Variants in EIF4G1 observed in about 807,000 individuals in gnomAD.
The protein encoded by EIF4G1 is eukaryotic translation initiation factor 4 gamma 1, also known as EIF4-gamma.
In EIF4G1, 4 loss-of-function variants were observed where a neutral mutation model predicts 187.8. The ratio of observed to expected loss-of-function variants is 0.02; its 90% CI spans 0.01 to 0.05. The LOEUF is 0.05. Ranked by LOEUF, EIF4G1 falls within the 10% of genes least tolerant of loss-of-function variation. EIF4G1 has a pLI of 1.00. For synonymous variants in EIF4G1, 844 were observed against 781.4 expected, an observed-to-expected ratio of 1.08 and a Z score of -1.34; for missense variants, 1,647 against 2,081.1, an observed-to-expected ratio of 0.79 and a Z score of 4.06.
chr3:184,330,099 A>G (rs1177480753), intron 28 of EIF4G1, among the ~76,000 whole-genome samples: 1 of 152,184 alleles, frequency 6.6e-6, no homozygotes, highest in Non-Finnish European at 1.5e-5. Flanking sequence ...GTTAAGAAAG[A>G]AAAGACTGGG....
intron 2 of EIF4G1, 63 bp downstream of exon 2, chr3:184,315,608 A>G (rs1722629506): frequency 2.6e-6 from 2 of 771,794 alleles, no homozygotes; most frequent in Non-Finnish European, 2.4e-6. Context: ...GTTTGACAGC[A>G]TGTTGGTGGG....
intron 6 of EIF4G1, 66 bp downstream of exon 6, chr3:184,317,882 T>G: frequency 8.1e-7 from 1 of 1,235,240 alleles, no homozygotes; most frequent in Non-Finnish European, 1.2e-6. Context: ...ATCTGCTGAT[T>G]TCTAAAGCAG....
At chr3:184,314,791 GCCCGACCCAGGGC>G (rs936206812) in intron 1 of EIF4G1, 117 bp downstream of exon 1, 1 of 146,360 alleles carries the variant, frequency 6.8e-6, no homozygotes, top group Non-Finnish European at 1.5e-5. Flanking sequence ...TGGCCCCGCG[GCCCGACCCAGGGC>G]CCCGGCCCGC....
intron 5 of EIF4G1, 97 bp downstream of exon 5, chr3:184,317,594 G>A (rs1271635116): frequency 1.9e-6 from 3 of 1,560,108 alleles, no homozygotes; most frequent in African/African-American, 2.7e-5. Context: ...CCAGAGGTGG[G>A]ACTTCCTTCT....
rs1458137812 is a variant in EIF4G1 at position 184,321,266 on chromosome 3, C to T, written c.698-16C>T. 2 of 1,613,874 alleles carry T rather than the reference C, an allele frequency of 1.2e-6. No homozygotes were observed. The highest frequency in any genetic ancestry group is 1.1e-5 in the South Asian group (1 of 91,084). On this transcript the variant is annotated splice_polypyrimidine_tract_variant and intron_variant, in intron 9 of 32. Transcript: ENST00000346169. ...CACTTGCCTTTAGTTGCTCATTCTT[C>T]CTTCCTATGGTGCAGATGACCGGTC...
At chr3:184,327,774 C>T (rs568112950) in intron 25 of EIF4G1, 56 bp from the exon 26 acceptor site, 269 of 1,613,666 alleles carry the variant, frequency 1.7e-4, no homozygotes, top group Admixed American at 1.7e-4. Context: ...CATAGGGGTC[C>T]GGGGTCTGGG....
rs1371675466 is a variant in EIF4G1 at position 184,328,929 on chromosome 3, G to C, written c.4100G>C (p.Arg1367Thr). The change falls in exon 28 of 33, where the codon AGA becomes ACA. Residue 1367 changes from arginine to threonine, a missense_variant. Around this residue, in one of 11 missense-constraint regions of EIF4G1, gnomAD observed 543 missense variants for 638.0 expected, o/e 0.85. Transcript: ENST00000346169. Reference protein sequence around the residue: ...ELFREITKPLRPLGKAASLLL... With the variant: ...ELFREITKPLTPLGKAASLLL... ...TGTAGGGAGATTACAAAGCCTCTGA[G>C]ACCGTTGGGCAAAGCTGCTTCCCTG... The C allele has an allele frequency of 1.9e-6, 3 of 1,614,052 alleles. No individual in the cohort carries two copies. Among genetic ancestry groups the C allele is most frequent in the Non-Finnish European group, 2.5e-6 (3 of 1,180,048 alleles).
chr3:184,332,164 G>T (rs965603752), intron 32 of EIF4G1, 78 bp downstream of exon 32: 3 of 1,597,838 alleles, frequency 1.9e-6, no homozygotes, highest in Non-Finnish European at 1.7e-6. Context: ...TCATGGAAGG[G>T]TCTTAATCCA....
Position 184,325,618 on chromosome 3 carries a change from G to C in EIF4G1, c.3100G>C (p.Gly1034Arg). Reference protein sequence around the residue: ...MAKGSDKRRGGPPGPPISRGL... With the variant: ...MAKGSDKRRGRPPGPPISRGL... ...CAAGGGCAGTGACAAGCGTCGGGGC[G>C]GTCCTCCAGGCCCTCCCATCAGTGA... is the stretch of plus-strand genomic sequence containing the variant. Residue 1034 changes from glycine (G) to arginine (R), a missense_variant, in exon 20 of 33, where the codon GGT (glycine) becomes CGT (arginine). Transcript: ENST00000346169. This position sits in a 1 kb window ranked among gnomAD's most constrained non-coding sequence, Gnocchi z 5.2. 6.2e-7 allele frequency: 1 copy of C among 1,614,186 alleles called. No individual in the cohort carries two copies. Among genetic ancestry groups the C allele is most frequent in the Non-Finnish European group, 8.5e-7 (1 of 1,180,042 alleles).
At chr3:184,328,091 G>A (rs749575916) in intron 26 of EIF4G1, 89 bp downstream of exon 26, 33 of 1,493,092 alleles carry the variant, frequency 2.2e-5, no homozygotes, top group Admixed American at 5.0e-5. Context: ...GCATAAGAGT[G>A]TAGGTTCCCT....
Position 184,321,468 on chromosome 3 carries a change from T to C in EIF4G1, c.884T>C (p.Met295Thr). 1 of 1,614,116 alleles carries C rather than the reference T, an allele frequency of 6.2e-7. No homozygotes were observed. The highest frequency in any genetic ancestry group is 8.5e-7 in the Non-Finnish European group (1 of 1,180,018). ...GGGGACACTATGACAACTATACAAA[T>C]GTCTGTAGAAGAATCAACCCCCATC... ...IPGDTMTTIQ[M>T]SVEESTPISR... Residue 295 changes from methionine (M) to threonine (T), a missense_variant, in exon 10 of 33, where the codon ATG becomes ACG. By Grantham distance (81) the Met-to-Thr change is moderately conservative. This residue lies in a region of EIF4G1 where 522 missense variants were observed against 485.2 expected (regional missense o/e 1.08). Transcript: ENST00000346169.
At position 184,330,695 on chromosome 3, in the gene EIF4G1, C is replaced by T. The variant is rs191774251; in HGVS notation, c.4162-571C>T. ...GAGGCCCTTACATCATTTTTCCTACCCTAGTGTCATAGCACTTTGGTGGAC... is the reference window on the plus strand; with the variant it reads ...GAGGCCCTTACATCATTTTTCCTACTCTAGTGTCATAGCACTTTGGTGGAC... On this transcript the variant is annotated intron_variant, in intron 28 of 32. Transcript: ENST00000346169. Among the ~76,000 whole-genome samples, 24 of 151,974 alleles carry T rather than the reference C, an allele frequency of 1.6e-4. No individual in the cohort carries two copies. In the East Asian group the frequency reaches 4.3e-3, roughly 27 times the overall value.
chr3:184,316,743 C>T (rs1328194266), intron 4 of EIF4G1: 2 of 1,596,204 alleles, frequency 1.3e-6, no homozygotes, highest in Admixed American at 1.7e-5. Context: ...GGTAATATCC[C>T]TTTCCCAACC....
intron 17 of EIF4G1, 32 bp from the exon 18 acceptor site, chr3:184,324,846 T>A: frequency 6.2e-7 from 1 of 1,609,604 alleles, no homozygotes; most frequent in Non-Finnish European, 8.5e-7. Context: ...CTGGTTATCT[T>A]TTTGACACAA....
At chr3:184,332,933 G>A (rs150332998) in intron 32 of EIF4G1, among the ~76,000 whole-genome samples, 2 of 152,302 alleles carry the variant, frequency 1.3e-5, no homozygotes, top group East Asian at 3.9e-4. Context: ...GCAAGAAAAC[G>A]CCTTTGTGGG....
At position 184,317,534 on chromosome 3, in the gene EIF4G1, C is replaced by A. The variant is rs750192552; in HGVS notation, c.324+37C>A. The A allele has an allele frequency of 7.4e-6, 12 of 1,611,758 alleles. 1 individual carries two copies. Among genetic ancestry groups the A allele is most frequent in the Middle Eastern group, 3.3e-4 (2 of 6,060 alleles). On this transcript the variant is annotated intron_variant, in intron 5 of 32. Coordinates refer to ENST00000346169, the MANE Select transcript of EIF4G1 (RefSeq NM_198241.3). ...GGCTTGGAGCCTAGAAGCCACAGACCCCTATACCTCTCACTTAACTCACCC... is the reference window on the plus strand; with the variant it reads ...GGCTTGGAGCCTAGAAGCCACAGACACCTATACCTCTCACTTAACTCACCC...
chr3:184,317,585 C>T, intron 5 of EIF4G1, 88 bp downstream of exon 5: 17 of 1,571,372 alleles, frequency 1.1e-5, no homozygotes, highest in Non-Finnish European at 1.4e-5. Context: ...ATTGCTTTTC[C>T]AGAGGTGGGA....
rs1002455299 is a variant in EIF4G1, at chr3:184,335,172, T to C, written c.*264T>C. ...TCTTGAAATTTGGTGTGTCTTGGGGTGGGGAGGGGCACCAACGCCTGCCCC... is the reference window on the plus strand; with the variant it reads ...TCTTGAAATTTGGTGTGTCTTGGGGCGGGGAGGGGCACCAACGCCTGCCCC... On this transcript the variant is annotated 3_prime_UTR_variant, in exon 33 of 33. Transcript: ENST00000346169. 3.1e-5 allele frequency: 14 copies of C among 456,454 alleles called. No individual in the cohort carries two copies. The highest frequency in any genetic ancestry group is 2.2e-4 in the African/African-American group (11 of 50,574). The allele number at this position is 456,454 out of a possible 1,614,324, so 28.3% of individuals were successfully genotyped here.
At position 184,317,355 on chromosome 3, in the gene EIF4G1, G is replaced by C; in HGVS notation, c.182G>C (p.Ser61Thr). 6.2e-7 allele frequency: 1 copy of C among 1,614,106 alleles called. No individual in the cohort carries two copies. Residue 61 changes from serine (S) to threonine (T), a missense_variant, in exon 5 of 33, where the codon AGT becomes ACT. This residue lies in a region of EIF4G1 where 139 missense variants were observed against 187.3 expected (regional missense o/e 0.74). Transcript: ENST00000346169. ...FYPSRAQPPS[S>T]AASRVQSAAP... The stretch of plus-strand genomic sequence containing the variant: ...CCTAGCCGGGCCCAGCCCCCGAGCA[G>C]TGCAGCCTCCCGAGTGCAGAGTGCA...
Sources: allele counts gnomAD v4.1 joint callset (sites outside exome capture counted in the v4.1 genomes callset), GRCh38; gene constraint gnomAD v4.1.1; regional missense constraint gnomAD v4.1.1; non-coding constraint Gnocchi (gnomAD v3.1); transcripts MANE v1.5; gene names NCBI Gene and HGNC (gene_info 2026-07-23, HGNC 2026-07-21).